Variants in CRISP1 observed in about 807,000 individuals in gnomAD.
CRISP1 encodes cysteine rich secretory protein 1.
CRISP1 carries 44 observed loss-of-function variants against 33.1 expected under a neutral mutation model. The observed-to-expected ratio is 1.33, with a 90% CI of 1.05 to 1.71. The LOEUF (loss-of-function observed/expected upper bound fraction) is 1.71, where lower values mean the gene tolerates loss of function less well. CRISP1 is among the 40% of genes most tolerant of loss of function. The pLI is 0.00. For synonymous variants in CRISP1, 103 were observed against 98.7 expected (o/e 1.04, Z -0.26); for missense variants, 390 against 301.2 (o/e 1.29, Z -2.18).
chr6:49,849,993 T>A (rs955677741), intron 3 of CRISP1, among the ~76,000 whole-genome samples: 5 of 149,522 alleles, frequency 3.3e-5, no homozygotes, highest in African/African-American at 1.2e-4. Flanking sequence ...CATTCACTAC[T>A]AAGAACAAAA....
At chr6:49,849,748 G>T (rs1263840617) in intron 3 of CRISP1, among the ~76,000 whole-genome samples, 5 of 152,132 alleles carry the variant, frequency 3.3e-5, no homozygotes, top group Non-Finnish European at 4.4e-5. Flanking sequence ...ATATGTATTT[G>T]CTGCCATCTT....
intron 1 of CRISP1, among the ~76,000 whole-genome samples, chr6:49,863,739 C>A (rs1249962695): frequency 6.6e-6 from 1 of 152,190 alleles, no homozygotes; most frequent in Non-Finnish European, 1.5e-5. Flanking sequence ...CTCATAGAAT[C>A]AATTGTTAGA....
chr6:49,844,307 C>T (rs901230490), intron 5 of CRISP1, among the ~76,000 whole-genome samples: 3 of 152,008 alleles, frequency 2.0e-5, no homozygotes, highest in East Asian at 1.9e-4. Context: ...GAAAACAGAC[C>T]CAAGTGAAGG....
upstream of CRISP1, among the ~76,000 whole-genome samples, chr6:49,870,452 A>G (rs1003179908): frequency 6.6e-6 from 1 of 152,100 alleles, no homozygotes; most frequent in Non-Finnish European, 1.5e-5. Flanking sequence ...AAAGTGAGGG[A>G]GCTGTGTGGA....
intron 1 of CRISP1, among the ~76,000 whole-genome samples, chr6:49,857,832 A>G (rs1316189723): frequency 2.0e-5 from 3 of 152,188 alleles, no homozygotes; most frequent in Non-Finnish European, 2.9e-5. Context: ...TTGACCAGTC[A>G]TGCTGAATTT....
intron 2 of CRISP1, among the ~76,000 whole-genome samples, chr6:49,852,976 A>T (rs923622364): frequency 3.9e-5 from 6 of 152,028 alleles, no homozygotes; most frequent in Non-Finnish European, 5.9e-5. Flanking sequence ...CTTAACTACC[A>T]CATGACCATC....
chr6:49,865,076 A>G (rs1200145371), intron 1 of CRISP1, among the ~76,000 whole-genome samples: 1 of 152,214 alleles, frequency 6.6e-6, no homozygotes, highest in Non-Finnish European at 1.5e-5. Flanking sequence ...TGTAGGATTT[A>G]CAATACCAAG....
chr6:49,838,417 C>G lies in CRISP1; in HGVS notation c.622+20G>C. The G allele has an allele frequency of 6.3e-7, 1 of 1,583,340 alleles. No individual in the cohort carries two copies. Among genetic ancestry groups the G allele is most frequent in the African/African-American group, 1.4e-5 (1 of 73,960 alleles). On this transcript the variant is annotated intron_variant, in intron 7 of 7. Transcript: ENST00000335847. ...GATCAATGGGTTAACTGTAAACAAACAGAATGCAAACAAACTTACTGCAAA... is the reference window on the plus strand; with the variant it reads ...GATCAATGGGTTAACTGTAAACAAAGAGAATGCAAACAAACTTACTGCAAA...
intron 1 of CRISP1, among the ~76,000 whole-genome samples, chr6:49,863,333 A>C (rs1339093122): frequency 6.6e-6 from 1 of 152,190 alleles, no homozygotes; most frequent in Non-Finnish European, 1.5e-5. Flanking sequence ...GGAAGATTGC[A>C]AATCTAGGAA....
chr6:49,848,782 A>T (rs1771263121), intron 3 of CRISP1, among the ~76,000 whole-genome samples: 1 of 152,174 alleles, frequency 6.6e-6, no homozygotes, highest in Non-Finnish European at 1.5e-5. Context: ...GATTAGAAGC[A>T]AGTATAGAGT....
At chr6:49,866,683 G>A (rs1271715331), upstream of CRISP1, among the ~76,000 whole-genome samples, 7 of 152,022 alleles carry the variant, frequency 4.6e-5, no homozygotes, top group South Asian at 8.3e-4. Context: ...TGTAACCAAG[G>A]CAACATCATC....
chr6:49,854,727 A>G (rs1341871933), intron 2 of CRISP1, among the ~76,000 whole-genome samples: 3 of 152,034 alleles, frequency 2.0e-5, no homozygotes, highest in Non-Finnish European at 4.4e-5. Flanking sequence ...TTTCAATAAT[A>G]TGTTCTCTAT....
chr6:49,872,843 C>T (rs913934181), intron 1 of CRISP1, among the ~76,000 whole-genome samples: 1 of 152,088 alleles, frequency 6.6e-6, no homozygotes, highest in Non-Finnish European at 1.5e-5. Flanking sequence ...ATGATGCCTC[C>T]AGCTTTGTTC....
intron 1 of CRISP1, among the ~76,000 whole-genome samples, chr6:49,873,284 T>G (rs936610321): frequency 6.6e-6 from 1 of 152,112 alleles, no homozygotes; most frequent in African/African-American, 2.4e-5. Context: ...TTCCAAAATA[T>G]GTGTCTGGAA....
At chr6:49,846,261 A>T (rs1771163942) in intron 5 of CRISP1, among the ~76,000 whole-genome samples, 1 of 152,186 alleles carries the variant, frequency 6.6e-6, no homozygotes, top group African/African-American at 2.4e-5. Context: ...ACCAATATCA[A>T]ATGAGATTGA....
At chr6:49,857,507 A>G (rs1771529557) in intron 1 of CRISP1, 105 bp from the exon 2 acceptor site, 4 of 1,031,606 alleles carry the variant, frequency 3.9e-6, no homozygotes, top group Middle Eastern at 2.9e-4. Flanking sequence ...TTTTTTTCCT[A>G]AAAGAAACCT....
chr6:49,835,408 A>G lies in CRISP1; in HGVS notation c.658T>C (p.Cys220Arg). Reference protein sequence around the residue: ...PCIYYDEYFDCDIQVHYLGCN... With the variant: ...PCIYYDEYFDRDIQVHYLGCN... ...CCCAGATAATGGACTTGTATGTCACAGTCGAAGTATTCATCATAGTAGATG... is the reference window on the plus strand; with the variant it reads ...CCCAGATAATGGACTTGTATGTCACGGTCGAAGTATTCATCATAGTAGATG... The change falls in exon 8 of 8, where the codon TGT becomes CGT. Residue 220 changes from cysteine (C) to arginine (R), a missense_variant. Physicochemically the swap from Cys to Arg is radical, Grantham distance 180 (BLOSUM62 -3). Coordinates refer to ENST00000335847, the MANE Select transcript of CRISP1 (RefSeq NM_001131.3). 1 of 1,613,734 alleles carries G rather than the reference A, an allele frequency of 6.2e-7. No individual in the cohort carries two copies. Among genetic ancestry groups the G allele is most frequent in the Non-Finnish European group, 8.5e-7 (1 of 1,179,674 alleles).
intron 1 of CRISP1, 25 bp from the exon 2 acceptor site, chr6:49,857,427 A>C: frequency 6.3e-7 from 1 of 1,597,394 alleles, no homozygotes; most frequent in South Asian, 1.1e-5. Flanking sequence ...ACACAATTTT[A>C]GATTATTCTC....
intron 1 of CRISP1, among the ~76,000 whole-genome samples, chr6:49,875,200 T>A (rs1447574347): frequency 6.6e-6 from 1 of 151,806 alleles, no homozygotes; most frequent in African/African-American, 2.4e-5. Context: ...AATAAACAAC[T>A]TCAACTTCAG....
Sources: allele counts gnomAD v4.1 joint callset (sites outside exome capture counted in the v4.1 genomes callset), GRCh38; gene constraint gnomAD v4.1.1; transcripts MANE v1.5; gene names NCBI Gene and HGNC (gene_info 2026-07-23, HGNC 2026-07-21).